FLYWCH1: variants seen among roughly 807,000 people sequenced by gnomAD.
The protein encoded by FLYWCH1 is FLYWCH-type zinc finger-containing protein 1.
Under a neutral mutation model 66.4 loss-of-function variants are expected in FLYWCH1, and 75 were observed. The observed-to-expected ratio is 1.13, with a 90% CI of 0.94 to 1.37. The LOEUF (loss-of-function observed/expected upper bound fraction) is 1.37. Ranked by LOEUF, FLYWCH1 falls within the 40% of genes most tolerant of loss-of-function variation. FLYWCH1 has a pLI of 0.00. For synonymous variants in FLYWCH1, 595 were observed against 429.9 expected (o/e 1.38, Z -4.75); for missense variants, 1,334 against 1,001.8 (o/e 1.33, Z -4.48).
At chr16:2,930,295 G>A (rs2070714475) in intron 3 of FLYWCH1, 115 bp from the exon 4 acceptor site, 6 of 679,446 alleles carry the variant, frequency 8.8e-6, no homozygotes, top group Non-Finnish European at 1.5e-5. Context: ...TTGCTTGGGA[G>A]CAGGAGGAGA....
intron 2 of FLYWCH1, among the ~76,000 whole-genome samples, chr16:2,921,876 A>T (rs771947540): frequency 6.6e-5 from 10 of 152,088 alleles, no homozygotes; most frequent in Non-Finnish European, 1.2e-4. Context: ...ATCCTGGCCA[A>T]TATGGTGAAA....
intron 2 of FLYWCH1, among the ~76,000 whole-genome samples, chr16:2,914,923 A>G (rs1015911289): frequency 6.6e-6 from 1 of 151,296 alleles, no homozygotes; most frequent in African/African-American, 2.4e-5. Flanking sequence ...AAAAAAAAAA[A>G]AAAAGAAATT....
chr16:2,950,702 C>T lies in FLYWCH1; in HGVS notation c.*1975C>T, dbSNP rs1006900039. The stretch of plus-strand genomic sequence containing the variant: ...CAGAGGAAGAATATCGGCTTCTCTT[C>T]CCTTTTGGATATTTGCGTCATTGAC... On this transcript the variant is annotated 3_prime_UTR_variant, in exon 10 of 10. Coordinates refer to ENST00000253928, the MANE Select transcript of FLYWCH1 (RefSeq NM_001308068.2). 6.6e-6 allele frequency: 1 copy of T among 152,296 alleles called. No individual in the cohort carries two copies. The highest frequency in any genetic ancestry group is 1.5e-5 in the Non-Finnish European group (1 of 68,084). 9.4% of individuals were successfully genotyped at this position (152,296 alleles called of 1,614,324 possible).
chr16:2,940,376 G>C (rs924076596), intron 9 of FLYWCH1, among the ~76,000 whole-genome samples: 9 of 152,342 alleles, frequency 5.9e-5, no homozygotes, highest in Admixed American at 4.6e-4. Context: ...GAGAACAAGA[G>C]GGAAGCTGCC....
At chr16:2,923,563 A>AAAC (rs2070453633) in intron 2 of FLYWCH1, among the ~76,000 whole-genome samples, 1 of 151,382 alleles carries the variant, frequency 6.6e-6, no homozygotes, top group Non-Finnish European at 1.5e-5. Context: ...ATGTTTTAAA[A>AAAC]TGCATACTTC....
intron 2 of FLYWCH1, chr16:2,922,903 A>T (rs2070425089): frequency 3.8e-6 from 2 of 523,550 alleles, no homozygotes; most frequent in African/African-American, 3.9e-5. Flanking sequence ...TGATGATCGC[A>T]TAGTGGTCAA....
rs2150988783 is a variant in FLYWCH1, at chr16:2,938,268, A to C, written c.1862A>C (p.Lys621Thr). 2 of 1,613,096 alleles carry C rather than the reference A, an allele frequency of 1.2e-6. No individual in the cohort carries two copies. The highest frequency in any genetic ancestry group is 4.5e-5 in the East Asian group (2 of 44,880). Residue 621 changes from lysine to threonine, a missense_variant, in exon 8 of 10, where the codon AAG (lysine) becomes ACG (threonine). Physicochemically the swap from Lys to Thr is moderately conservative, Grantham distance 78 (BLOSUM62 -1). Transcript: ENST00000253928. Reference protein sequence around the residue: ...VHESFLYRKEKAAGEKVYWMC... With the variant: ...VHESFLYRKETAAGEKVYWMC... ...GAGTCCTTCCTCTACAGGAAGGAGAAGGCGGCTGGGGAGAAGGTGTACTGG... is the reference window on the plus strand; with the variant it reads ...GAGTCCTTCCTCTACAGGAAGGAGACGGCGGCTGGGGAGAAGGTGTACTGG...
In FLYWCH1 at chr16:2,933,176, C is replaced by T. The variant is rs1387456089; in HGVS notation, c.843C>T (p.Ser281=). The change falls in exon 5 of 10, where the codon AGC becomes AGT. Residue 281 remains serine (S), a synonymous_variant. Transcript: ENST00000253928. ...TCCTGAGGACGTGCTACGGGGGCAG[C>T]TTCCTGGTACACGAGTCGTTCCTCT... ...LEFLRTCYGG[S]FLVHESFLYK... The T allele has an allele frequency of 1.6e-5, 26 of 1,613,616 alleles. No homozygotes were observed. Among genetic ancestry groups the T allele is most frequent in the East Asian group, 2.2e-5 (1 of 44,856 alleles).
intron 2 of FLYWCH1, among the ~76,000 whole-genome samples, chr16:2,915,682 C>T (rs894778626): frequency 3.3e-5 from 5 of 151,310 alleles, no homozygotes; most frequent in Admixed American, 1.3e-4. Flanking sequence ...CCAAGGTGGG[C>T]GGATCACGGG....
intron 2 of FLYWCH1, among the ~76,000 whole-genome samples, chr16:2,919,669 A>G (rs989315587): frequency 6.6e-6 from 1 of 152,170 alleles, no homozygotes. Flanking sequence ...GGCTGGGACT[A>G]CACATACGCA....
rs1375519465 is a variant in FLYWCH1, at chr16:2,931,628, C to T, written c.796+748C>T. Among the ~76,000 whole-genome samples the T allele has an allele frequency of 3.3e-5, 5 of 151,720 alleles. No homozygotes were observed. In the East Asian group the frequency reaches 7.8e-4, roughly 24 times the overall value. ...TGGACCCTGTCTCAAAAAAAAAAAT[C>T]AGAATTTTATCTGGTTCCCATGCAA... On this transcript the variant is annotated intron_variant, in intron 4 of 9. Transcript: ENST00000253928.
At position 2,933,167 on chromosome 16, in the gene FLYWCH1, C is replaced by A. The variant is rs746957252; in HGVS notation, c.834C>A (p.Tyr278Ter). ...ARPLEFLRTC[Y>*]GGSFLVHESF... ...CCCTCGAGTTCCTGAGGACGTGCTA[C>A]GGGGGCAGCTTCCTGGTACACGAGT... The change falls in exon 5 of 10, where the codon TAC becomes TAA. Residue 278 changes from tyrosine (Y) to a stop codon, truncating the protein, a stop_gained. Transcript: ENST00000253928. LOFTEE classifies it high-confidence loss of function. 1.9e-6 allele frequency: 3 copies of A among 1,613,630 alleles called. No individual in the cohort carries two copies. Among genetic ancestry groups the A allele is most frequent in the African/African-American group, 2.7e-5 (2 of 74,958 alleles).
rs942090472 is a variant in FLYWCH1 at position 2,951,067 on chromosome 16, G to A, written c.*2340G>A. On this transcript the variant is annotated 3_prime_UTR_variant, in exon 10 of 10. Transcript: ENST00000253928. ...CTCAGCGGGGCAGCTCCTGCTTCCA[G>A]CCCTGCCTCTGCTGGTGCTTCGCCC... 1.3e-5 allele frequency: 2 copies of A among 152,344 alleles called. No individual in the cohort carries two copies. Among genetic ancestry groups the A allele is most frequent in the Non-Finnish European group, 2.9e-5 (2 of 68,112 alleles). The allele number at this position is 152,344 out of a possible 1,614,324, so 9.4% of individuals were successfully genotyped here. A position where few individuals can be genotyped will look rare whatever the true frequency, so the allele number is the denominator to read the frequency against.
chr16:2,923,015 TG>T (rs551699192), intron 2 of FLYWCH1: 12 of 468,620 alleles, frequency 2.6e-5, no homozygotes, highest in African/African-American at 8.1e-5. Context: ...GATCTTTTTT[TG>T]GGGGGGCTGT....
At chr16:2,917,573 T>G (rs1476676730) in intron 2 of FLYWCH1, among the ~76,000 whole-genome samples, 1 of 151,818 alleles carries the variant, frequency 6.6e-6, no homozygotes, top group Non-Finnish European at 1.5e-5. Flanking sequence ...TGTATGACAT[T>G]AAAGAGTAAA....
At chr16:2,918,436 C>T (rs368233133) in intron 2 of FLYWCH1, among the ~76,000 whole-genome samples, 3 of 150,532 alleles carry the variant, frequency 2.0e-5, no homozygotes, top group Non-Finnish European at 4.4e-5. Flanking sequence ...CGTGAGCCAC[C>T]GCGCCAGGCT....
chr16:2,933,413 C>A lies in FLYWCH1; in HGVS notation c.1080C>A (p.Ser360Arg). ...TLQAGQDGPG[S>R]QVDTLLRGVD... ...AGGCTGGGCAGGACGGCCCTGGGAG[C>A]CAAGTGGACACGCTGCTCCGAGGCG... The change falls in exon 5 of 10, where the codon AGC (serine) becomes AGA (arginine). Residue 360 changes from serine (S) to arginine (R), a missense_variant. Ser to Arg is a moderately radical substitution (Grantham distance 110). Coordinates refer to ENST00000253928, the MANE Select transcript of FLYWCH1 (RefSeq NM_001308068.2). The A allele has an allele frequency of 6.2e-7, 1 of 1,601,526 alleles. No homozygotes were observed. The highest frequency in any genetic ancestry group is 2.3e-5 in the East Asian group (1 of 44,156).
intron 2 of FLYWCH1, among the ~76,000 whole-genome samples, chr16:2,921,067 T>G (rs974438311): frequency 8.6e-5 from 13 of 151,248 alleles, no homozygotes; most frequent in Non-Finnish European, 1.8e-4. Context: ...GGTCTCGATC[T>G]GCTGACCCCG....
chr16:2,938,603 C>CTTT (rs1477270822), intron 8 of FLYWCH1, 147 bp downstream of exon 8: 12 of 376,130 alleles, frequency 3.2e-5, no homozygotes, highest in African/African-American at 8.4e-5. Context: ...TGAAACCAGT[C>CTTT]TTTGTTTTTT....
Sources: gnomAD v4.1 joint callset for allele counts (sites outside exome capture counted in the v4.1 genomes callset) on GRCh38, gnomAD v4.1.1 for gene constraint, MANE v1.5 for transcripts, NCBI Gene and HGNC (gene_info 2026-07-23, HGNC 2026-07-21) for gene names.